Variants in ULK2 observed in about 807,000 individuals in gnomAD.
ULK2 encodes serine/threonine-protein kinase ULK2.
A neutral mutation model predicts 127.5 loss-of-function variants in ULK2; 76 were observed. The observed-to-expected ratio is 0.60, with a 90% CI of 0.50 to 0.72. ULK2 has a LOEUF of 0.72. Ranked by LOEUF, ULK2 falls within the 30% of genes least tolerant of loss-of-function variation. The pLI is 0.00. For missense variants in ULK2, 1,144 were observed against 1,295.9 expected, an observed-to-expected ratio of 0.88 and a Z score of 1.80; for synonymous variants, 452 against 461.9, an observed-to-expected ratio of 0.98 and a Z score of 0.28.
intron 18 of ULK2, 146 bp from the exon 19 acceptor site, chr17:19,796,428 C>T: frequency 1.3e-6 from 1 of 748,020 alleles, no homozygotes; most frequent in Non-Finnish European, 1.9e-6. Flanking sequence ...AAGATGCAAA[C>T]CTTCTTGGAA....
intron 26 of ULK2, 34 bp from the exon 27 acceptor site, chr17:19,776,441 G>T (rs1289468993): frequency 2.0e-6 from 3 of 1,526,048 alleles, no homozygotes; most frequent in Admixed American, 2.0e-5. Flanking sequence ...AAGAACTAAT[G>T]AAAAAAATCA....
rs117062852 is a variant in ULK2 at position 19,791,837 on chromosome 17, C to T, written c.2101+3785G>A. Among the ~76,000 whole-genome samples, 670 of 129,362 alleles carry T rather than the reference C, an allele frequency of 5.2e-3. 22 individuals are homozygous for T. The East Asian group carries it at 0.093, about 18-fold the overall frequency. The allele number at this position is 129,362 out of a possible 152,430, so 84.9% of individuals were successfully genotyped here. ...CGTGCCACTGCACTCCAGCAACACCCTGTTTACAAAAAAAAAAAAAAAAAA... is the reference window on the plus strand; with the variant it reads ...CGTGCCACTGCACTCCAGCAACACCTTGTTTACAAAAAAAAAAAAAAAAAA... On this transcript the variant is annotated intron_variant, in intron 20 of 26. Transcript: ENST00000395544.
chr17:19,849,697 AAAG>A, intron 4 of ULK2, 42 bp downstream of exon 4: 1 of 1,363,200 alleles, frequency 7.3e-7, no homozygotes, highest in Admixed American at 2.7e-5. Context: ...AAAAAAAAAA[AAAG>A]AAATTTGAAA....
intron 7 of ULK2, among the ~76,000 whole-genome samples, chr17:19,843,761 T>C (rs1049686594): frequency 6.0e-5 from 9 of 151,012 alleles, no homozygotes; most frequent in African/African-American, 2.2e-4. Flanking sequence ...TGGGTTCAAG[T>C]GATTCTCCTG....
chr17:19,820,316 G>C (rs937718182), intron 12 of ULK2, among the ~76,000 whole-genome samples: 1 of 152,090 alleles, frequency 6.6e-6, no homozygotes, highest in African/African-American at 2.4e-5. Flanking sequence ...CAAAGTGCTG[G>C]GATTACAGGC....
chr17:19,852,390 C>T (rs544473710), intron 3 of ULK2, among the ~76,000 whole-genome samples: 9 of 130,958 alleles, frequency 6.9e-5, no homozygotes, highest in East Asian at 5.0e-4. Context: ...GCATGGTGGC[C>T]GGCGCCTATA....
intron 3 of ULK2, among the ~76,000 whole-genome samples, chr17:19,861,305 G>C (rs139273208): frequency 0.039 from 5,886 of 152,268 alleles, 155 homozygotes; most frequent in Middle Eastern, 0.13. Flanking sequence ...CCAGCACTTT[G>C]GGAGGCCGAG....
At chr17:19,855,054 T>C (rs281331) in intron 3 of ULK2, among the ~76,000 whole-genome samples, 15,516 of 138,668 alleles carry the variant, frequency 0.11, 1,526 homozygotes, top group East Asian at 0.4. Context: ...GAGCTGAGAG[T>C]GCGCCACTGT....
At chr17:19,824,962 T>C in intron 12 of ULK2, 132 bp downstream of exon 12, 2 of 881,550 alleles carry the variant, frequency 2.3e-6, no homozygotes, top group Admixed American at 2.5e-5. Context: ...ATCATGTTCT[T>C]TCCCCCAAAT....
chr17:19,857,691 TAGG>T (rs1244740512), intron 3 of ULK2, among the ~76,000 whole-genome samples: 1 of 152,220 alleles, frequency 6.6e-6, no homozygotes, highest in Non-Finnish European at 1.5e-5. Context: ...CAGAGTGCTC[TAGG>T]AGATTTATCT....
rs1351266638 is a variant in ULK2 at position 19,774,766 on chromosome 17, T to C, written c.*1583A>G. On this transcript the variant is annotated 3_prime_UTR_variant, in exon 27 of 27. Coordinates refer to ENST00000395544, the MANE Select transcript of ULK2 (RefSeq NM_014683.4). ...CTAGAAACACTTTGTCAGTTTTATT[T>C]TACCTTAATATACATTTGTACAGGC... 2 of 152,654 alleles carry C rather than the reference T, an allele frequency of 1.3e-5. No homozygotes were observed. Among genetic ancestry groups the C allele is most frequent in the Non-Finnish European group, 2.9e-5 (2 of 68,048 alleles). 9.5% of individuals were successfully genotyped at this position (152,654 alleles called of 1,614,324 possible).
At chr17:19,820,183 G>C (rs1234791554) in intron 12 of ULK2, among the ~76,000 whole-genome samples, 1 of 151,928 alleles carries the variant, frequency 6.6e-6, no homozygotes, top group Non-Finnish European at 1.5e-5. Flanking sequence ...CGAGTAGCTG[G>C]AACTACAGGC....
chr17:19,781,080 G>A lies in ULK2; in HGVS notation c.2664C>T (p.Tyr888=), dbSNP rs2086908705. The change falls in exon 24 of 27, where the codon TAC becomes TAT. Residue 888 remains tyrosine, a synonymous_variant. Coordinates refer to ENST00000395544, the MANE Select transcript of ULK2 (RefSeq NM_014683.4). ...CCGCAAGCAGCTGTGCTGCTTTCAT[G>A]TACAACACCAGCTGCTCCACCCGCC... ...DWGRVEQLVL[Y]MKAAQLLAAS... is the part of the protein sequence containing the mutation. 6.2e-7 allele frequency: 1 copy of A among 1,613,532 alleles called. No homozygotes were observed. Among genetic ancestry groups the A allele is most frequent in the East Asian group, 2.2e-5 (1 of 44,874 alleles).
intron 13 of ULK2, among the ~76,000 whole-genome samples, chr17:19,811,462 G>A (rs2087638478): frequency 1.3e-5 from 2 of 151,408 alleles, no homozygotes; most frequent in South Asian, 4.2e-4. Flanking sequence ...GTATTTTTGA[G>A]ACAGAGTCTC....
chr17:19,779,651 C>T (rs1377645202), intron 25 of ULK2, among the ~76,000 whole-genome samples: 1 of 151,396 alleles, frequency 6.6e-6, no homozygotes, highest in African/African-American at 2.4e-5. Flanking sequence ...AATTTTTCCC[C>T]GAGAGGCAGA....
chr17:19,840,424 T>C, intron 9 of ULK2: 1 of 492,096 alleles, frequency 2.0e-6, no homozygotes, highest in Non-Finnish European at 4.0e-6. Context: ...CCCCTCTTCT[T>C]CTGGTATTGT....
chr17:19,795,067 A>G (rs2087238378), intron 20 of ULK2, among the ~76,000 whole-genome samples: 1 of 152,038 alleles, frequency 6.6e-6, no homozygotes, highest in African/African-American at 2.4e-5. Context: ...CGACTGAGCG[A>G]GACTTCATCT....
At chr17:19,860,715 G>A (rs1232730649) in intron 3 of ULK2, among the ~76,000 whole-genome samples, 1 of 151,766 alleles carries the variant, frequency 6.6e-6, no homozygotes, top group Non-Finnish European at 1.5e-5. Flanking sequence ...GTGGAGACAG[G>A]GTTTCTCCAT....
chr17:19,857,093 G>C (rs1434802236), intron 3 of ULK2, among the ~76,000 whole-genome samples: 2 of 151,882 alleles, frequency 1.3e-5, no homozygotes, highest in African/African-American at 4.8e-5. Flanking sequence ...ATCACCTGAG[G>C]TCGGGAGTTC....
Sources: allele counts gnomAD v4.1 joint callset (sites outside exome capture counted in the v4.1 genomes callset), GRCh38; gene constraint gnomAD v4.1.1; transcripts MANE v1.5; gene names NCBI Gene and HGNC (gene_info 2026-07-23, HGNC 2026-07-21).